The following TMEM61 variants were observed in gnomAD, a reference collection of about 807,000 sequenced individuals.
TMEM61 encodes the protein transmembrane protein 61.
A neutral mutation model predicts 12.0 loss-of-function variants in TMEM61; 13 were observed. The ratio of observed to expected loss-of-function variants is 1.08; its 90% CI spans 0.70 to 1.72. TMEM61 has a LOEUF of 1.72. TMEM61 is among the 40% of genes most tolerant of loss of function. The pLI, the probability that TMEM61 is intolerant of heterozygous loss-of-function variation, is 0.00. For missense variants in TMEM61, 249 were observed against 276.9 expected, an observed-to-expected ratio of 0.90 and a Z score of 0.71; for synonymous variants, 109 against 121.4, an observed-to-expected ratio of 0.90 and a Z score of 0.67.
At chr1:54,981,999 G>T (rs1408247951) in intron 1 of TMEM61, among the ~76,000 whole-genome samples, 4 of 152,210 alleles carry the variant, frequency 2.6e-5, no homozygotes, top group Non-Finnish European at 5.9e-5. Flanking sequence ...CTAAGGCGTG[G>T]AGAAGCTGGA....
chr1:54,986,264 C>T lies in TMEM61; in HGVS notation c.183C>T (p.Gly61=). ...APPTEYPVPE[G]PSPLLRSVSF... Reference sequence around the variant, plus strand: ...CCACGGAGTATCCGGTGCCTGAGGGCCCCAGCCCCCTGCTCAGGTCCGTCA... The same window carrying T: ...CCACGGAGTATCCGGTGCCTGAGGGTCCCAGCCCCCTGCTCAGGTCCGTCA... Residue 61 remains glycine (G), a synonymous_variant, in exon 2 of 3, where the codon GGC becomes GGT. Transcript: ENST00000371268. The T allele has an allele frequency of 1.9e-6, 3 of 1,613,856 alleles. No homozygotes were observed. In the South Asian group the frequency reaches 3.3e-5, roughly 18 times the overall value.
At position 54,992,228 on chromosome 1, in the gene TMEM61, A is replaced by T. The variant is rs534331934; in HGVS notation, c.*125A>T. 2.5e-6 allele frequency: 3 copies of T among 1,189,640 alleles called. No individual in the cohort carries two copies. Among genetic ancestry groups the T allele is most frequent in the Admixed American group, 2.3e-5 (1 of 42,700 alleles). 73.7% of individuals were successfully genotyped at this position (1,189,640 alleles called of 1,614,324 possible). On this transcript the variant is annotated 3_prime_UTR_variant, in exon 3 of 3. Transcript: ENST00000371268. Reference sequence around the variant, plus strand: ...TTGTTGAAGGCTGTTCTATTTATCTATTGCTGTATAACAAACCACCCCAGA... The same window carrying T: ...TTGTTGAAGGCTGTTCTATTTATCTTTTGCTGTATAACAAACCACCCCAGA...
chr1:54,988,421 C>T (rs1044933477), intron 2 of TMEM61, among the ~76,000 whole-genome samples: 6 of 152,246 alleles, frequency 3.9e-5, no homozygotes, highest in African/African-American at 1.4e-4. Flanking sequence ...AGCTCCAAGA[C>T]CCCAGTCGTA....
intron 1 of TMEM61, among the ~76,000 whole-genome samples, chr1:54,983,122 G>GTTTTTTT (rs77100620): frequency 2.4e-5 from 3 of 124,824 alleles, no homozygotes; most frequent in Non-Finnish European, 4.9e-5. Context: ...TTTTTTTTTT[G>GTTTTTTT]TTTTTTTTTG....
In TMEM61 at chr1:54,991,487, A is replaced by G. The variant is rs375053283; in HGVS notation, c.366-349A>G. Among the ~76,000 whole-genome samples, 11 of 152,186 alleles carry G rather than the reference A, an allele frequency of 7.2e-5. No individual in the cohort carries two copies. The East Asian group carries it at 7.7e-4, about 11-fold the overall frequency. On this transcript the variant is annotated intron_variant, in intron 2 of 2. Coordinates refer to ENST00000371268, the MANE Select transcript of TMEM61 (RefSeq NM_182532.3). Reference sequence around the variant, plus strand: ...TCTGTCTATGGACCACCATCACTCAATCTTTCAACATGAAACACCCATAAG... The same window carrying G: ...TCTGTCTATGGACCACCATCACTCAGTCTTTCAACATGAAACACCCATAAG...
At chr1:54,986,711 C>A (rs1229141638) in intron 2 of TMEM61, among the ~76,000 whole-genome samples, 2 of 151,650 alleles carry the variant, frequency 1.3e-5, no homozygotes, top group Admixed American at 6.6e-5. Context: ...TGGAGAAACC[C>A]AGGAAGGCTT....
Position 54,986,295 on chromosome 1 carries a change from G to A in TMEM61, c.214G>A (p.Val72Ile), listed in dbSNP as rs201509096. 343 of 1,614,014 alleles carry A rather than the reference G, an allele frequency of 2.1e-4. No homozygotes were observed. Among genetic ancestry groups the A allele is most frequent in the Non-Finnish European group, 2.7e-4 (316 of 1,180,030 alleles). ...CCCCCTGCTCAGGTCCGTCAGCTTCGTCTGCTGCGGTGCAGGTGGCCTGCT... is the reference window on the plus strand; with the variant it reads ...CCCCCTGCTCAGGTCCGTCAGCTTCATCTGCTGCGGTGCAGGTGGCCTGCT... ...PSPLLRSVSF[V>I]CCGAGGLLLL... is the part of the protein sequence containing the mutation. The change falls in exon 2 of 3, where the codon GTC becomes ATC. Residue 72 changes from valine to isoleucine, a missense_variant. Val to Ile is a conservative substitution (Grantham distance 29, BLOSUM62 3). Transcript: ENST00000371268.
chr1:54,981,313 G>A (rs567003609), intron 1 of TMEM61, among the ~76,000 whole-genome samples: 2 of 152,278 alleles, frequency 1.3e-5, no homozygotes, highest in Admixed American at 6.5e-5. Context: ...TACAGAAAGC[G>A]GCATCTAAAG....
intron 1 of TMEM61, among the ~76,000 whole-genome samples, chr1:54,981,750 A>G (rs1644224378): frequency 1.3e-5 from 2 of 152,168 alleles, no homozygotes; most frequent in Admixed American, 6.5e-5. Flanking sequence ...CTCTCCTGAC[A>G]GGAGCAGGGC....
chr1:54,989,471 A>G (rs2495515), intron 2 of TMEM61, among the ~76,000 whole-genome samples: 113,123 of 151,980 alleles, frequency 0.74, 42,580 homozygotes, highest in Admixed American at 0.8. Context: ...CCCCAACCAG[A>G]CTCCAAAGAT....
Position 54,986,315 on chromosome 1 carries a change from C to G in TMEM61, c.234C>G (p.Gly78=), listed in dbSNP as rs1262845328. Residue 78 remains glycine (G), a synonymous_variant, in exon 2 of 3, where the codon GGC becomes GGG. Transcript: ENST00000371268. The stretch of plus-strand genomic sequence containing the variant: ...GCTTCGTCTGCTGCGGTGCAGGTGG[C>G]CTGCTGCTGCTCATTGGCCTGCTGT... ...SVSFVCCGAG[G]LLLLIGLLWS... 6.2e-7 allele frequency: 1 copy of G among 1,613,922 alleles called. No individual in the cohort carries two copies. Among genetic ancestry groups the G allele is most frequent in the African/African-American group, 1.3e-5 (1 of 74,940 alleles).
At chr1:54,982,138 AGAGATGCTGGGT>A (rs1460550949) in intron 1 of TMEM61, among the ~76,000 whole-genome samples, 1 of 152,104 alleles carries the variant, frequency 6.6e-6, no homozygotes, top group East Asian at 1.9e-4. Context: ...ATTTGAACTC[AGAGATGCTGGGT>A]GGTCACAGAG....
Position 54,983,433 on chromosome 1 carries a change from A to C in TMEM61, c.15+2353A>C, listed in dbSNP as rs150392287. ...CCACTGTGCCCAGCCTGTATTTTTA[A>C]ATTTTTATTCTCTTCTGTGGTTTTC... On this transcript the variant is annotated intron_variant, in intron 1 of 2. Transcript: ENST00000371268. Among the ~76,000 whole-genome samples, 5 of 152,112 alleles carry C rather than the reference A, an allele frequency of 3.3e-5. No individual in the cohort carries two copies. The East Asian group carries it at 5.8e-4, about 18-fold the overall frequency.
intron 2 of TMEM61, 54 bp downstream of exon 2, chr1:54,986,500 ACACCAGCC>A: frequency 2.9e-6 from 4 of 1,386,812 alleles, no homozygotes; most frequent in Non-Finnish European, 3.9e-6. Flanking sequence ...GGGCCCAGTC[ACACCAGCC>A]CACCAGCCAG....
chr1:54,981,197 C>T (rs909841575), intron 1 of TMEM61, 117 bp downstream of exon 1: 6 of 1,196,256 alleles, frequency 5.0e-6, no homozygotes, highest in Non-Finnish European at 6.9e-6. Context: ...AGTGTGGACA[C>T]CCGGGGCTCT....
intron 1 of TMEM61, among the ~76,000 whole-genome samples, chr1:54,985,569 T>C (rs572115212): frequency 1.3e-5 from 2 of 152,332 alleles, no homozygotes; most frequent in Admixed American, 1.3e-4. Context: ...AGTTTTGCTC[T>C]ATGTTGCGAA....
intron 2 of TMEM61, among the ~76,000 whole-genome samples, chr1:54,989,916 C>G (rs568630139): frequency 5.9e-4 from 89 of 152,018 alleles, no homozygotes; most frequent in African/African-American, 2.0e-3. Context: ...ATTACTTACA[C>G]TTTTCTGAGT....
At chr1:54,991,361 A>G (rs1644296735) in intron 2 of TMEM61, among the ~76,000 whole-genome samples, 2 of 152,202 alleles carry the variant, frequency 1.3e-5, no homozygotes, top group Admixed American at 1.3e-4. Context: ...ATCATATCAA[A>G]ATCTAAAGCA....
At position 54,981,023 on chromosome 1, in the gene TMEM61, C is replaced by T. The variant is rs1183384359; in HGVS notation, c.-43C>T. On this transcript the variant is annotated 5_prime_UTR_variant, in exon 1 of 3. Coordinates refer to ENST00000371268, the MANE Select transcript of TMEM61 (RefSeq NM_182532.3). ...CCACCACCACACCTTCACCTGCGCC[C>T]GGCTCCCTGCGCGCCTGGACAGCGC... The T allele has an allele frequency of 6.5e-7, 1 of 1,546,370 alleles. No homozygotes were observed. The highest frequency in any genetic ancestry group is 8.7e-7 in the Non-Finnish European group (1 of 1,144,298).
Sources: gnomAD v4.1 joint callset for allele counts (sites outside exome capture counted in the v4.1 genomes callset) on GRCh38, gnomAD v4.1.1 for gene constraint, MANE v1.5 for transcripts, NCBI Gene and HGNC (gene_info 2026-07-23, HGNC 2026-07-21) for gene names.